Variants in CAMTA1 observed in about 807,000 individuals in gnomAD.
CAMTA1 encodes the protein calmodulin binding transcription activator 1.
A neutral mutation model predicts 170.9 loss-of-function variants in CAMTA1; 27 were observed. The observed-to-expected ratio is 0.16, with a 90% CI of 0.12 to 0.22. CAMTA1 has a LOEUF of 0.22. Ranked by LOEUF, CAMTA1 falls within the 10% of genes least tolerant of loss-of-function variation. The pLI is 1.00. For synonymous variants in CAMTA1, 833 were observed against 891.5 expected (o/e 0.93, Z 1.17); for missense variants, 1,619 against 2,217.2 (o/e 0.73, Z 5.42).
chr1:6,791,264 A>G (rs1022793229), intron 1 of CAMTA1, among the ~76,000 whole-genome samples: 1 of 151,818 alleles, frequency 6.6e-6, no homozygotes, highest in Admixed American at 6.6e-5. Context: ...TGTTAGATGT[A>G]CTGTATTTGT....
At chr1:6,927,222 A>C (rs1460761699) in intron 3 of CAMTA1, among the ~76,000 whole-genome samples, 1 of 151,784 alleles carries the variant, frequency 6.6e-6, no homozygotes, top group Non-Finnish European at 1.5e-5. Context: ...TATTTTGTAG[A>C]GATGGGATTT....
intron 3 of CAMTA1, among the ~76,000 whole-genome samples, chr1:7,070,094 C>G (rs889809715): frequency 6.6e-6 from 1 of 152,160 alleles, no homozygotes; most frequent in Non-Finnish European, 1.5e-5. Context: ...TGGAGCAGGA[C>G]GGGCTTTTCT....
At chr1:7,343,980 G>A (rs932705679) in intron 5 of CAMTA1, among the ~76,000 whole-genome samples, 9 of 152,198 alleles carry the variant, frequency 5.9e-5, no homozygotes, top group Non-Finnish European at 1.3e-4. Context: ...TTTTGTGTTA[G>A]AAACAGCATT....
intron 1 of CAMTA1, among the ~76,000 whole-genome samples, chr1:6,798,612 C>T (rs1394989638): frequency 2.4e-5 from 2 of 83,996 alleles, no homozygotes; most frequent in African/African-American, 5.0e-5. Context: ...TTTTTTGAGA[C>T]GGAGTCTCGC....
At chr1:7,717,998 G>A (rs1024148988) in intron 11 of CAMTA1, among the ~76,000 whole-genome samples, 3 of 152,160 alleles carry the variant, frequency 2.0e-5, no homozygotes, top group African/African-American at 7.2e-5. Context: ...GGAATGTAGC[G>A]GTGACTGGGA....
chr1:7,440,242 G>A (rs962171662), intron 5 of CAMTA1, among the ~76,000 whole-genome samples: 4 of 152,258 alleles, frequency 2.6e-5, no homozygotes, highest in East Asian at 1.9e-4. Flanking sequence ...GAGCCGATGC[G>A]GCTTCAATCC....
At chr1:7,457,199 T>C (rs560963396) in intron 5 of CAMTA1, among the ~76,000 whole-genome samples, 50 of 152,198 alleles carry the variant, frequency 3.3e-4, no homozygotes, top group African/African-American at 1.0e-3. Context: ...TTATTCCATT[T>C]TATGCCCACT....
chr1:7,632,483 A>G (rs933235585), intron 6 of CAMTA1, among the ~76,000 whole-genome samples: 1 of 152,266 alleles, frequency 6.6e-6, no homozygotes, highest in African/African-American at 2.4e-5. Flanking sequence ...ACTCTGATTT[A>G]TTGACCACTT....
intron 3 of CAMTA1, among the ~76,000 whole-genome samples, chr1:7,070,677 G>T (rs769778862): frequency 1.3e-5 from 2 of 152,212 alleles, no homozygotes; most frequent in Non-Finnish European, 2.9e-5. Context: ...CTTCCTGCTG[G>T]TTCCGAGGCA....
intron 6 of CAMTA1, among the ~76,000 whole-genome samples, chr1:7,471,744 GA>G: frequency 6.6e-6 from 1 of 152,358 alleles, no homozygotes; most frequent in South Asian, 2.1e-4. Context: ...GAGGAGGCAT[GA>G]AGGGGTGAGC....
chr1:7,706,663 C>G (rs1375609132), intron 11 of CAMTA1, among the ~76,000 whole-genome samples: 1 of 152,204 alleles, frequency 6.6e-6, no homozygotes, highest in East Asian at 1.9e-4. Context: ...CATTTACTTA[C>G]AGCGTATGCA....
chr1:7,228,670 C>T (rs2149181974), intron 4 of CAMTA1, among the ~76,000 whole-genome samples: 1 of 152,272 alleles, frequency 6.6e-6, no homozygotes, highest in South Asian at 2.1e-4. Context: ...GGGCCTCGGA[C>T]CGGGGATGGC....
At chr1:7,541,433 G>T (rs904066863) in intron 6 of CAMTA1, among the ~76,000 whole-genome samples, 1 of 152,190 alleles carries the variant, frequency 6.6e-6, no homozygotes, top group Non-Finnish European at 1.5e-5. Context: ...ATGGCCACAG[G>T]ACTTGATTTG....
intron 4 of CAMTA1, among the ~76,000 whole-genome samples, chr1:7,217,210 G>A (rs1319654952): frequency 6.6e-6 from 1 of 152,094 alleles, no homozygotes; most frequent in Non-Finnish European, 1.5e-5. Context: ...TTTATAAGGG[G>A]CTTCTCCCCC....
intron 4 of CAMTA1, among the ~76,000 whole-genome samples, chr1:7,158,414 T>C (rs941015100): frequency 6.6e-6 from 1 of 152,228 alleles, no homozygotes. Context: ...ACAATGCCTG[T>C]ATCTTGACAG....
At chr1:7,548,095 G>A (rs2094724788) in intron 6 of CAMTA1, among the ~76,000 whole-genome samples, 1 of 152,218 alleles carries the variant, frequency 6.6e-6, no homozygotes, top group Admixed American at 6.5e-5. Flanking sequence ...CGTTTTGAGA[G>A]AGAAATAAGA....
chr1:7,415,878 G>A (rs10458474), intron 5 of CAMTA1, among the ~76,000 whole-genome samples: 42,188 of 151,746 alleles, frequency 0.28, 6,421 homozygotes, highest in Non-Finnish European at 0.34. Flanking sequence ...AATTTGGCAT[G>A]TTTTTGCAGT....
At chr1:7,392,258 CTT>C (rs3034862) in intron 5 of CAMTA1, among the ~76,000 whole-genome samples, 3 of 135,882 alleles carry the variant, frequency 2.2e-5, no homozygotes, top group Non-Finnish European at 4.7e-5. Context: ...AGACCCCCAT[CTT>C]TTTTTTTTTT....
rs1175522537 is a variant in CAMTA1, at chr1:7,426,677, A to G, written c.439-41153A>G. Among the ~76,000 whole-genome samples the G allele has an allele frequency of 7.0e-6, 1 of 143,530 alleles. No homozygotes were observed. Among genetic ancestry groups the G allele is most frequent in the East Asian group, 2.6e-4 (1 of 3,838 alleles). The allele number at this position is 143,530 out of a possible 152,430, so 94.2% of individuals were successfully genotyped here. On this transcript the variant is annotated intron_variant, in intron 5 of 22. Coordinates refer to ENST00000303635, the MANE Select transcript of CAMTA1 (RefSeq NM_015215.4). The surrounding 1 kb of genome is among the most constrained non-coding windows in gnomAD (Gnocchi z 4.8). ...AAAAAAGCAGGGGTTGGGGCGGGGG[A>G]AAGGTGGAGAAAACTTCGCTCACCG...
Sources: gnomAD v4.1 joint callset for allele counts (sites outside exome capture counted in the v4.1 genomes callset) on GRCh38, gnomAD v4.1.1 for gene constraint, Gnocchi (gnomAD v3.1) non-coding constraint, MANE v1.5 for transcripts, NCBI Gene and HGNC (gene_info 2026-07-23, HGNC 2026-07-21) for gene names.